Variants in SNX13 observed in about 807,000 individuals in gnomAD.
SNX13 encodes the protein sorting nexin 13.
In SNX13, 45 loss-of-function variants were observed where a neutral mutation model predicts 133.6. That is an observed-to-expected ratio of 0.34 (90% CI 0.27 to 0.43). The LOEUF (loss-of-function observed/expected upper bound fraction) is 0.43. Ranked by LOEUF, SNX13 falls within the 20% of genes least tolerant of loss-of-function variation. SNX13 has a pLI of 1.00. For missense variants in SNX13, 1,032 were observed against 1,145.1 expected (o/e 0.90, Z 1.43); for synonymous variants, 414 against 373.9 (o/e 1.11, Z -1.24).
chr7:17,873,712 C>A (rs1466378837), intron 7 of SNX13, 96 bp from the exon 8 acceptor site: 4 of 657,718 alleles, frequency 6.1e-6, no homozygotes, highest in Non-Finnish European at 9.4e-6. Flanking sequence ...CAGAAATAAC[C>A]AGTTCCCTGG....
Position 17,803,476 on chromosome 7 carries a change from G to T in SNX13, c.2169C>A (p.Asp723Glu). The change falls in exon 21 of 26, where the codon GAC (aspartate) becomes GAA (glutamate). Residue 723 changes from aspartate to glutamate, a missense_variant. Coordinates refer to ENST00000428135, the MANE Select transcript of SNX13 (RefSeq NM_015132.5). ...ATCTTTCTGACATTTTGCCCATGTTGTCTGACATTTTAGTCATTCCCTCTG... is the reference window on the plus strand; with the variant it reads ...ATCTTTCTGACATTTTGCCCATGTTTTCTGACATTTTAGTCATTCCCTCTG... Reference protein sequence around the residue: ...SLAEGMTKMSDNMGKMSERLG... With the variant: ...SLAEGMTKMSENMGKMSERLG... The T allele has an allele frequency of 6.2e-7, 1 of 1,612,366 alleles. No homozygotes were observed. The highest frequency in any genetic ancestry group is 8.5e-7 in the Non-Finnish European group (1 of 1,179,156).
At chr7:17,920,691 CTAAG>C (rs1217033691) in intron 1 of SNX13, among the ~76,000 whole-genome samples, 3 of 152,098 alleles carry the variant, frequency 2.0e-5, no homozygotes, top group South Asian at 2.1e-4. Flanking sequence ...ATACTTTAAT[CTAAG>C]TAAGAGGGTT....
chr7:17,917,262 G>T (rs546437154), intron 1 of SNX13, among the ~76,000 whole-genome samples: 40 of 152,232 alleles, frequency 2.6e-4, no homozygotes, highest in African/African-American at 9.4e-4. Flanking sequence ...GCAAAACAAG[G>T]ATGTCCACTC....
At chr7:17,887,015 G>A (rs948657240) in intron 5 of SNX13, among the ~76,000 whole-genome samples, 1 of 150,218 alleles carries the variant, frequency 6.7e-6, no homozygotes, top group African/African-American at 2.4e-5. Flanking sequence ...AAGAATCTGT[G>A]TACACAACCT....
intron 15 of SNX13, among the ~76,000 whole-genome samples, chr7:17,833,234 T>G (rs1452039046): frequency 6.6e-6 from 1 of 151,652 alleles, no homozygotes; most frequent in East Asian, 1.9e-4. Flanking sequence ...GAAGCTTGTG[T>G]TCTAAAGGCT....
chr7:17,891,513 T>C (rs1000777607), intron 4 of SNX13, 33 bp downstream of exon 4: 15 of 1,491,372 alleles, frequency 1.0e-5, no homozygotes, highest in Admixed American at 8.5e-5. Flanking sequence ...GAACACAATA[T>C]ATAGAATTCA....
intron 1 of SNX13, among the ~76,000 whole-genome samples, chr7:17,938,576 A>G (rs1802382826): frequency 6.6e-6 from 1 of 152,258 alleles, no homozygotes; most frequent in African/African-American, 2.4e-5. Context: ...TGCAGTGTTC[A>G]CACAAAAAGT....
chr7:17,882,499 T>C (rs1487052040), intron 5 of SNX13: 1 of 152,196 alleles, frequency 6.6e-6, no homozygotes. Context: ...CATTTAGAAA[T>C]ATATTAAAAG....
intron 24 of SNX13, 39 bp downstream of exon 24, chr7:17,798,651 T>C: frequency 7.0e-7 from 1 of 1,432,584 alleles, no homozygotes; most frequent in Non-Finnish European, 9.6e-7. Context: ...TGCTAAACTC[T>C]GTACTACCTG....
intron 9 of SNX13, among the ~76,000 whole-genome samples, chr7:17,860,224 T>A (rs543195033): frequency 5.2e-4 from 79 of 152,332 alleles, no homozygotes; most frequent in African/African-American, 1.9e-3. Flanking sequence ...TGGTTGTGAT[T>A]TGCATTTCCA....
In SNX13 at chr7:17,839,987, T is replaced by A; in HGVS notation, c.1179A>T (p.Gln393His). 1 of 1,608,708 alleles carries A rather than the reference T, an allele frequency of 6.2e-7. No individual in the cohort carries two copies. Among genetic ancestry groups the A allele is most frequent in the Non-Finnish European group, 8.5e-7 (1 of 1,177,204 alleles). ...AGAATAGATGTGCTTGACCTCCAGT[T>A]TGCTGCATGTAATCTAGCAATCAAA... ...ALQFFMDYMQ[Q>H]TGGQAHLFFW... Residue 393 changes from glutamine to histidine, a missense_variant, in exon 13 of 26, where the codon CAA becomes CAT. Coordinates refer to ENST00000428135, the MANE Select transcript of SNX13 (RefSeq NM_015132.5).
Position 17,922,928 on chromosome 7 carries a change from AACTTT to A in SNX13, c.12+17351_12+17355del, listed in dbSNP as rs1477276577. ...AAATGAAAACGGTAAACAATATTTT[AACTTT>A]ACTTAATACACTTTCACACTGGTTT... On this transcript the variant is annotated intron_variant, in intron 1 of 25. Transcript: ENST00000428135. Among the ~76,000 whole-genome samples, 4 of 152,348 alleles carry A rather than the reference AACTTT, an allele frequency of 2.6e-5. No individual in the cohort carries two copies. The East Asian group carries it at 7.7e-4, about 29-fold the overall frequency.
rs2723501 is a variant in SNX13 at position 17,814,909 on chromosome 7, G to T, written c.1989C>A (p.Pro663=). The change falls in exon 20 of 26, where the codon CCC becomes CCA. Residue 663 remains proline (P), a synonymous_variant. Transcript: ENST00000428135. The part of the protein sequence containing the change: ...LLAPEMMKAS[P]ALAHYVYDFL... ...AATCATACACATAGTGAGCTAAAGC[G>T]GGGGATGCCTTCATCATTTCAGGAG... The T allele has an allele frequency of 0.54, 813,441 of 1,507,634 alleles. 224,990 individuals carry two copies. Among genetic ancestry groups the T allele is most frequent in the African/African-American group, 0.8 (54,025 of 67,932 alleles). 93.4% of individuals were successfully genotyped at this position (1,507,634 alleles called of 1,614,324 possible).
chr7:17,897,906 T>C (rs1797379464), intron 1 of SNX13: 1 of 148,858 alleles, frequency 6.7e-6, no homozygotes, highest in East Asian at 2.0e-4. Context: ...GGAGACATTT[T>C]ATTAGAAATT....
At chr7:17,935,649 AATG>A (rs1801933510) in intron 1 of SNX13, among the ~76,000 whole-genome samples, 1 of 152,308 alleles carries the variant, frequency 6.6e-6, no homozygotes, top group Non-Finnish European at 1.5e-5. Flanking sequence ...ATTCTTTAAG[AATG>A]TTTATCAATA....
intron 20 of SNX13, among the ~76,000 whole-genome samples, chr7:17,813,351 T>A (rs1455909677): frequency 6.6e-6 from 1 of 152,116 alleles, no homozygotes; most frequent in East Asian, 1.9e-4. Flanking sequence ...CAAGTTGGAA[T>A]TTAACTCAAT....
At chr7:17,880,560 G>C (rs1795222905) in intron 5 of SNX13, 1 of 152,180 alleles carries the variant, frequency 6.6e-6, no homozygotes, top group Non-Finnish European at 1.5e-5. Context: ...GTGGGGTCCA[G>C]GTATCACACA....
chr7:17,808,007 G>C (rs1299572823), intron 20 of SNX13, among the ~76,000 whole-genome samples: 7 of 152,168 alleles, frequency 4.6e-5, no homozygotes, highest in Admixed American at 4.6e-4. Flanking sequence ...GGAAAAACCA[G>C]TGCAAAAAGG....
Position 17,816,224 on chromosome 7 carries a change from A to C in SNX13, c.1911T>G (p.Asp637Glu), listed in dbSNP as rs1264285063. The C allele has an allele frequency of 6.5e-7, 1 of 1,541,942 alleles. No individual in the cohort carries two copies. ...GKKTFNNMDR[D>E]FLEKRKKDLN... The stretch of plus-strand genomic sequence containing the variant: ...GATCCTTTTTTCTCTTTTCTAAAAA[A>C]TCTCTATCCATATTATTAAAAGTCT... The change falls in exon 19 of 26, where the codon GAT becomes GAG. Residue 637 changes from aspartate (D) to glutamate (E), a missense_variant. Coordinates refer to ENST00000428135, the MANE Select transcript of SNX13 (RefSeq NM_015132.5).
Sources: allele counts gnomAD v4.1 joint callset (sites outside exome capture counted in the v4.1 genomes callset), GRCh38; gene constraint gnomAD v4.1.1; transcripts MANE v1.5; gene names NCBI Gene and HGNC (gene_info 2026-07-23, HGNC 2026-07-21).